MECOM: variants seen among roughly 807,000 people sequenced by gnomAD.
The protein encoded by MECOM is MDS1 and EVI1 complex locus.
MECOM carries 13 observed loss-of-function variants against 116.3 expected under a neutral mutation model. The ratio of observed to expected loss-of-function variants is 0.11; its 90% CI spans 0.07 to 0.18. The LOEUF (loss-of-function observed/expected upper bound fraction) is 0.18, where lower values mean the gene tolerates loss of function less well. Ranked by LOEUF, MECOM falls within the 10% of genes least tolerant of loss-of-function variation. The pLI, the probability that MECOM is intolerant of heterozygous loss-of-function variation, is 1.00. For synonymous variants in MECOM, 528 were observed against 535.2 expected (o/e 0.99, Z 0.19); for missense variants, 1,299 against 1,509.0 (o/e 0.86, Z 2.31).
At chr3:169,572,977 GA>G (rs200178352) in intron 1 of MECOM, among the ~76,000 whole-genome samples, 14 of 148,880 alleles carry the variant, frequency 9.4e-5, no homozygotes, top group South Asian at 6.4e-4. Context: ...TAAAGTATAA[GA>G]AAAAAAAAAT....
chr3:169,187,880 G>A (rs763031618), intron 2 of MECOM, among the ~76,000 whole-genome samples: 19 of 152,016 alleles, frequency 1.2e-4, no homozygotes, highest in African/African-American at 4.6e-4. Flanking sequence ...TAAATTAGAC[G>A]CACACTGGGG....
chr3:169,545,049 T>A (rs577250522), intron 1 of MECOM, among the ~76,000 whole-genome samples: 2 of 152,234 alleles, frequency 1.3e-5, no homozygotes, highest in South Asian at 2.1e-4. Context: ...TAAAAAAAAT[T>A]TTTTTAATTA....
intron 1 of MECOM, among the ~76,000 whole-genome samples, chr3:169,616,466 C>T (rs1033155575): frequency 6.6e-6 from 1 of 152,156 alleles, no homozygotes; most frequent in African/African-American, 2.4e-5. Flanking sequence ...CTGCCTCAGC[C>T]TCCCAAGTAG....
chr3:169,524,553 C>A (rs1399638562), intron 1 of MECOM, among the ~76,000 whole-genome samples: 1 of 152,154 alleles, frequency 6.6e-6, no homozygotes, highest in Non-Finnish European at 1.5e-5. Flanking sequence ...GAAATGAAAG[C>A]AAGTTTAGAT....
intron 1 of MECOM, among the ~76,000 whole-genome samples, chr3:169,503,267 A>G (rs973052893): frequency 6.6e-6 from 1 of 152,208 alleles, no homozygotes. Context: ...AGATGTCAGT[A>G]TAGAGCTTTA....
intron 1 of MECOM, among the ~76,000 whole-genome samples, chr3:169,590,050 A>G (rs1425008293): frequency 2.0e-5 from 3 of 152,138 alleles, no homozygotes; most frequent in African/African-American, 7.2e-5. Context: ...CATGCCTTCC[A>G]TTTTGTTCCA....
At chr3:169,363,431 C>T (rs1464566959) in intron 2 of MECOM, among the ~76,000 whole-genome samples, 1 of 151,940 alleles carries the variant, frequency 6.6e-6, no homozygotes, top group African/African-American at 2.4e-5. Flanking sequence ...ATTCCTTTCC[C>T]TTTAAGTGGG....
At chr3:169,117,200 TC>T (rs1240761262) in intron 7 of MECOM, among the ~76,000 whole-genome samples, 1 of 152,136 alleles carries the variant, frequency 6.6e-6, no homozygotes, top group Non-Finnish European at 1.5e-5. Flanking sequence ...AAATAAAATA[TC>T]CTCAACCAGA....
chr3:169,642,225 A>G (rs1229287334), intron 1 of MECOM, among the ~76,000 whole-genome samples: 3 of 152,174 alleles, frequency 2.0e-5, no homozygotes, highest in African/African-American at 7.2e-5. Context: ...GAGAAAGAAT[A>G]CAGAGATGGT....
intron 2 of MECOM, among the ~76,000 whole-genome samples, chr3:169,173,869 T>C (rs1003237988): frequency 6.6e-6 from 1 of 152,240 alleles, no homozygotes; most frequent in Non-Finnish European, 1.5e-5. Context: ...GCACTCCATG[T>C]AGCCTCAACC....
chr3:169,403,711 A>G (rs1378236096), intron 1 of MECOM, among the ~76,000 whole-genome samples: 1 of 152,236 alleles, frequency 6.6e-6, no homozygotes, highest in African/African-American at 2.4e-5. Context: ...AAATAAAATA[A>G]TATGGAATAA....
At chr3:169,652,291 C>T (rs1315263006) in intron 1 of MECOM, among the ~76,000 whole-genome samples, 4 of 152,174 alleles carry the variant, frequency 2.6e-5, no homozygotes, top group African/African-American at 7.2e-5. Context: ...TATTCCATCC[C>T]TCCATTCGTT....
chr3:169,641,150 G>T (rs1188015813), intron 1 of MECOM, among the ~76,000 whole-genome samples: 5 of 152,266 alleles, frequency 3.3e-5, no homozygotes, highest in East Asian at 1.9e-4. Flanking sequence ...AATCTGTTTG[G>T]TGATCAAGAA....
chr3:169,145,181 CACACACACAGAG>C (rs201958382), intron 2 of MECOM: 49,917 of 186,518 alleles, frequency 0.27, 2,856 homozygotes, highest in African/African-American at 0.43. Flanking sequence ...CACACACACA[CACACACACAGAG>C]AGAAATCAAA....
intron 1 of MECOM, among the ~76,000 whole-genome samples, chr3:169,459,712 G>T (rs1189819800): frequency 6.6e-6 from 1 of 152,046 alleles, no homozygotes; most frequent in Admixed American, 6.5e-5. Flanking sequence ...TCCTACATTT[G>T]CTTATCTTTC....
intron 2 of MECOM, among the ~76,000 whole-genome samples, chr3:169,215,315 G>A (rs1474864101): frequency 6.7e-6 from 1 of 148,682 alleles, no homozygotes; most frequent in Non-Finnish European, 1.5e-5. Context: ...AACCGACCTT[G>A]GACAAGAAAT....
At chr3:169,173,353 G>A (rs2149377118) in intron 2 of MECOM, among the ~76,000 whole-genome samples, 1 of 152,056 alleles carries the variant, frequency 6.6e-6, no homozygotes, top group East Asian at 1.9e-4. Flanking sequence ...ATGCCCACTA[G>A]GCTCTCTTCC....
chr3:169,089,307 A>G (rs1452601639), intron 15 of MECOM, 124 bp from the exon 16 acceptor site: 1 of 583,764 alleles, frequency 1.7e-6, no homozygotes, highest in East Asian at 3.4e-5. Context: ...GTAAAGTAGC[A>G]TGCATCAATT....
intron 1 of MECOM, among the ~76,000 whole-genome samples, chr3:169,604,219 AAATCTC>A (rs1768198373): frequency 2.0e-5 from 3 of 151,896 alleles, no homozygotes; most frequent in South Asian, 4.2e-4. Context: ...AAAGAGAGAG[AAATCTC>A]TCTCTCTCTC....
Sources: gnomAD v4.1 joint callset for allele counts (sites outside exome capture counted in the v4.1 genomes callset) on GRCh38, gnomAD v4.1.1 for gene constraint, MANE v1.5 for transcripts, NCBI Gene and HGNC (gene_info 2026-07-23, HGNC 2026-07-21) for gene names.